Variants in RAVER2 observed in about 807,000 individuals in gnomAD.
RAVER2 encodes ribonucleoprotein, PTB binding 2, also known as ribonucleoprotein PTB-binding 2.
Under a neutral mutation model 78.1 loss-of-function variants are expected in RAVER2, and 46 were observed. That is an observed-to-expected ratio of 0.59 (90% CI 0.46 to 0.75). The LOEUF (loss-of-function observed/expected upper bound fraction) is 0.75, where lower values mean the gene tolerates loss of function less well. Ranked by LOEUF, RAVER2 falls within the 30% of genes least tolerant of loss-of-function variation. The pLI is 0.00. For missense variants in RAVER2, 793 were observed against 837.5 expected, an observed-to-expected ratio of 0.95 and a Z score of 0.66; for synonymous variants, 311 against 313.3, an observed-to-expected ratio of 0.99 and a Z score of 0.08.
intron 11 of RAVER2, among the ~76,000 whole-genome samples, chr1:64,824,050 G>T (rs1180737493): frequency 6.6e-6 from 1 of 152,134 alleles, no homozygotes; most frequent in African/African-American, 2.4e-5. Context: ...CAAGTGATCT[G>T]CCTGCCTTGG....
chr1:64,818,326 G>A (rs917823982), intron 11 of RAVER2, among the ~76,000 whole-genome samples: 3 of 152,114 alleles, frequency 2.0e-5, no homozygotes, highest in African/African-American at 4.8e-5. Flanking sequence ...CACAAGGTCA[G>A]GAGATCGAGA....
chr1:64,807,066 C>T (rs1013724803), intron 8 of RAVER2, 140 bp from the exon 9 acceptor site: 29 of 993,832 alleles, frequency 2.9e-5, no homozygotes, highest in Non-Finnish European at 4.1e-5. Context: ...TTAACAACCT[C>T]TAACCTTACC....
At chr1:64,759,583 T>C (rs1261300252) in intron 1 of RAVER2, among the ~76,000 whole-genome samples, 3 of 147,644 alleles carry the variant, frequency 2.0e-5, no homozygotes, top group South Asian at 2.2e-4. Flanking sequence ...GTGGCGCGAT[T>C]TCGGCTCACT....
intron 10 of RAVER2, 120 bp from the exon 11 acceptor site, chr1:64,814,584 T>C (rs1570579560): frequency 1.8e-6 from 1 of 570,110 alleles, no homozygotes; most frequent in Middle Eastern, 7.0e-4. Flanking sequence ...CAATTTATAA[T>C]AAAATATAAT....
chr1:64,830,407 C>T (rs1044703942), intron 11 of RAVER2, among the ~76,000 whole-genome samples: 2 of 152,042 alleles, frequency 1.3e-5, no homozygotes, highest in African/African-American at 4.8e-5. Flanking sequence ...TTGATTTATT[C>T]TCTCACCACT....
Position 64,745,704 on chromosome 1 carries a change from C to T in RAVER2, c.249+283C>T, listed in dbSNP as rs1325285285. Reference sequence around the variant, plus strand: ...GCCTCCAAGTTCGGCCCGGTCTTTCCTTCCCCTACGGCCGTAGAGGAGTAG... The same window carrying T: ...GCCTCCAAGTTCGGCCCGGTCTTTCTTTCCCCTACGGCCGTAGAGGAGTAG... On this transcript the variant is annotated intron_variant, in intron 1 of 11. Coordinates refer to ENST00000294428, the Ensembl canonical transcript of RAVER2. This position sits in a 1 kb window ranked among gnomAD's most constrained non-coding sequence, Gnocchi z 4.3. Among the ~76,000 whole-genome samples the T allele has an allele frequency of 2.6e-5, 4 of 152,086 alleles. No individual in the cohort carries two copies. The highest frequency in any genetic ancestry group is 7.2e-5 in the African/African-American group (3 of 41,486).
intron 2 of RAVER2, among the ~76,000 whole-genome samples, chr1:64,773,716 A>G (rs1187338720): frequency 6.6e-6 from 1 of 152,246 alleles, no homozygotes; most frequent in Non-Finnish European, 1.5e-5. Context: ...TAGCTAGGTT[A>G]AATGATATTA....
intron 9 of RAVER2, 141 bp downstream of exon 9, chr1:64,807,615 A>G: frequency 1.0e-6 from 1 of 976,832 alleles, no homozygotes; most frequent in Non-Finnish European, 1.4e-6. Context: ...ATTGAAGAAA[A>G]CATTGCATTC....
rs528091229 is a variant in RAVER2, at chr1:64,773,000, TA to T, written c.316+4285del. Among the ~76,000 whole-genome samples the T allele has an allele frequency of 1.5e-4, 23 of 152,010 alleles. No homozygotes were observed. The East Asian group carries it at 2.9e-3, about 19-fold the overall frequency. On this transcript the variant is annotated intron_variant, in intron 2 of 11. Transcript: ENST00000294428. Reference sequence around the variant, plus strand: ...TTTATTGTCACTGTGGAGAAAGGATTAAAAAAAGAAAAAGCTAGAGGACTGA... The same window carrying T: ...TTTATTGTCACTGTGGAGAAAGGATTAAAAAAGAAAAAGCTAGAGGACTGA...
At chr1:64,810,466 T>A (rs1157825305) in intron 9 of RAVER2, among the ~76,000 whole-genome samples, 1 of 152,176 alleles carries the variant, frequency 6.6e-6, no homozygotes, top group South Asian at 2.1e-4. Context: ...TCTCTTCTTA[T>A]AAGAGCACTA....
At chr1:64,781,672 C>A in intron 4 of RAVER2, 101 bp downstream of exon 4, 2 of 1,119,314 alleles carry the variant, frequency 1.8e-6, no homozygotes, top group Non-Finnish European at 2.4e-6. Flanking sequence ...GTCGATTGCA[C>A]CATCATTGCA....
intron 11 of RAVER2, among the ~76,000 whole-genome samples, chr1:64,818,514 C>T (rs879471226): frequency 2.6e-5 from 4 of 151,970 alleles, no homozygotes; most frequent in Admixed American, 6.6e-5. Context: ...CCAGCCTGGG[C>T]GACAGAGTGA....
In RAVER2 at chr1:64,785,690, A is replaced by G. The variant is rs372731183; in HGVS notation, c.979-3698A>G. Among the ~76,000 whole-genome samples the G allele has an allele frequency of 3.4e-4, 51 of 152,020 alleles. 7 individuals carry two copies. The highest frequency in any genetic ancestry group is 5.3e-4 in the African/African-American group (22 of 41,482). On this transcript the variant is annotated intron_variant, in intron 4 of 11. Transcript: ENST00000294428. Reference sequence around the variant, plus strand: ...GGCCAATTGTCCCTAACTTTTTAACATGCATAGGTTTATCAGAACTTCTGT... The same window carrying G: ...GGCCAATTGTCCCTAACTTTTTAACGTGCATAGGTTTATCAGAACTTCTGT...
At chr1:64,786,632 A>C (rs1232053705) in intron 4 of RAVER2, among the ~76,000 whole-genome samples, 1 of 152,138 alleles carries the variant, frequency 6.6e-6, no homozygotes, top group Non-Finnish European at 1.5e-5. Context: ...CTCTACTAAA[A>C]ATGCAAAAAA....
chr1:64,824,932 C>CAAAAAAAAAAAAAAAAAAAAAAAAAAAA lies in RAVER2; in HGVS notation c.1930-5880_1930-5879insAAAAAAAAAAAAAAAAAAAAAAAAAAAA, dbSNP rs56179197. 2.1e-4 allele frequency among the ~76,000 whole-genome samples: 17 copies of CAAAAAAAAAAAAAAAAAAAAAAAAAAAA among 79,390 alleles called. 2 individuals are homozygous for CAAAAAAAAAAAAAAAAAAAAAAAAAAAA. The highest frequency in any genetic ancestry group is 1.0e-3 in the African/African-American group (13 of 12,878). The allele number at this position is 79,390 out of a possible 152,430, so 52.1% of individuals were successfully genotyped here. A position where few individuals can be genotyped will look rare whatever the true frequency, so the allele number is the denominator to read the frequency against. ...GGCAACAGAGCGAGACCCTGTCTCCCAAAAAAAAAAAAAAAAAAAAAAAAA... is the reference window on the plus strand; with the variant it reads ...GGCAACAGAGCGAGACCCTGTCTCCCAAAAAAAAAAAAAAAAAAAAAAAAAAAAAAAAAAAAAAAAAAAAAAAAAAAAA... On this transcript the variant is annotated intron_variant, in intron 11 of 11. Transcript: ENST00000294428.
intron 11 of RAVER2, among the ~76,000 whole-genome samples, chr1:64,822,171 C>G (rs1195997121): frequency 6.6e-6 from 1 of 151,992 alleles, no homozygotes; most frequent in East Asian, 1.9e-4. Flanking sequence ...GCCTGTAGTC[C>G]CAGCTACTCG....
At chr1:64,830,576 T>G (rs1269786647) in intron 11 of RAVER2, among the ~76,000 whole-genome samples, 1 of 152,214 alleles carries the variant, frequency 6.6e-6, no homozygotes, top group Non-Finnish European at 1.5e-5. Context: ...AGTGCTCTAA[T>G]TTTTTCTTTT....
chr1:64,819,378 T>C (rs1346379915), intron 11 of RAVER2, among the ~76,000 whole-genome samples: 1 of 151,754 alleles, frequency 6.6e-6, no homozygotes, highest in East Asian at 1.9e-4. Flanking sequence ...AGCAGAAGAT[T>C]GGAGAGGCCA....
intron 11 of RAVER2, among the ~76,000 whole-genome samples, chr1:64,826,431 A>G (rs1278823105): frequency 6.6e-6 from 1 of 152,200 alleles, no homozygotes; most frequent in South Asian, 2.1e-4. Flanking sequence ...TGTAAAGTAC[A>G]TTCCAGGGAC....
Sources: gnomAD v4.1 joint callset for allele counts (sites outside exome capture counted in the v4.1 genomes callset) on GRCh38, gnomAD v4.1.1 for gene constraint, Gnocchi (gnomAD v3.1) non-coding constraint, MANE v1.5 for transcripts, NCBI Gene and HGNC (gene_info 2026-07-23, HGNC 2026-07-21) for gene names.